FHIT: variants seen among roughly 807,000 people sequenced by gnomAD.
The protein encoded by FHIT is bis(5'-adenosyl)-triphosphatase.
Under a neutral mutation model 17.9 loss-of-function variants are expected in FHIT, and 19 were observed. The ratio of observed to expected loss-of-function variants is 1.06; its 90% CI spans 0.74 to 1.56. FHIT has a LOEUF of 1.56. Among genes scored for constraint, FHIT ranks in the 40% most tolerant of loss-of-function variants. FHIT has a pLI of 0.00. For synonymous variants in FHIT, 81 were observed against 69.7 expected (o/e 1.16, Z -0.81); for missense variants, 248 against 189.2 (o/e 1.31, Z -1.82).
At chr3:59,832,673 A>G (rs369019069) in intron 8 of FHIT, among the ~76,000 whole-genome samples, 5 of 152,352 alleles carry the variant, frequency 3.3e-5, no homozygotes, top group African/African-American at 1.2e-4. Context: ...CCACAGACTC[A>G]TAAATGAGAA....
chr3:61,018,739 A>G (rs1481441636), intron 3 of FHIT, among the ~76,000 whole-genome samples: 3 of 152,198 alleles, frequency 2.0e-5, no homozygotes, highest in African/African-American at 7.2e-5. Context: ...AAATCACAGC[A>G]TTTCTAATTT....
At chr3:60,379,475 A>G (rs968319938) in intron 5 of FHIT, among the ~76,000 whole-genome samples, 3 of 152,202 alleles carry the variant, frequency 2.0e-5, no homozygotes, top group African/African-American at 7.2e-5. Context: ...CCTGGGAACT[A>G]TATTTTAGTA....
intron 2 of FHIT, among the ~76,000 whole-genome samples, chr3:61,111,189 T>A (rs1345362211): frequency 6.6e-6 from 1 of 152,210 alleles, no homozygotes; most frequent in Non-Finnish European, 1.5e-5. Flanking sequence ...TTACCCACTT[T>A]AAGCCTCGGT....
At chr3:60,912,054 T>TACAC (rs34525181) in intron 3 of FHIT, among the ~76,000 whole-genome samples, 245 of 150,396 alleles carry the variant, frequency 1.6e-3, no homozygotes, top group African/African-American at 2.9e-3. Flanking sequence ...CACACACACA[T>TACAC]ACACACACAC....
chr3:60,851,243 C>G (rs1703141875), intron 3 of FHIT, among the ~76,000 whole-genome samples: 1 of 152,072 alleles, frequency 6.6e-6, no homozygotes, highest in African/African-American at 2.4e-5. Context: ...TTAATTCCCC[C>G]ACAGAATAAA....
At chr3:60,974,323 G>T (rs1009557151) in intron 3 of FHIT, among the ~76,000 whole-genome samples, 2 of 152,132 alleles carry the variant, frequency 1.3e-5, no homozygotes, top group African/African-American at 4.8e-5. Context: ...ACTCAGGTCT[G>T]GTCAGTCCCT....
At chr3:60,440,672 G>A (rs557945112) in intron 5 of FHIT, among the ~76,000 whole-genome samples, 1 of 151,902 alleles carries the variant, frequency 6.6e-6, no homozygotes, top group South Asian at 2.1e-4. Context: ...ACTCCCCAAA[G>A]GTAACCAAAC....
chr3:60,302,647 C>T (rs1708498924), intron 5 of FHIT, among the ~76,000 whole-genome samples: 2 of 152,138 alleles, frequency 1.3e-5, no homozygotes, highest in African/African-American at 4.8e-5. Context: ...CTTCCCATTT[C>T]AAAGGTTGTC....
chr3:60,984,866 A>G (rs1421032666), intron 3 of FHIT, among the ~76,000 whole-genome samples: 1 of 152,120 alleles, frequency 6.6e-6, no homozygotes, highest in East Asian at 1.9e-4. Context: ...TGAAAGCCTA[A>G]GTTTTCCAAA....
chr3:61,099,995 G>T (rs1385578148), intron 2 of FHIT, among the ~76,000 whole-genome samples: 2 of 152,062 alleles, frequency 1.3e-5, no homozygotes, highest in African/African-American at 4.8e-5. Context: ...GGTTTAGTGG[G>T]TGTGAAGTGG....
intron 4 of FHIT, among the ~76,000 whole-genome samples, chr3:60,589,058 C>T (rs1553663197): frequency 6.6e-6 from 1 of 151,992 alleles, no homozygotes; most frequent in Non-Finnish European, 1.5e-5. Context: ...GCAGGTGACT[C>T]ACCCGTTGGA....
intron 8 of FHIT, among the ~76,000 whole-genome samples, chr3:59,838,838 G>C (rs564881409): frequency 3.7e-4 from 56 of 152,224 alleles, no homozygotes; most frequent in African/African-American, 1.3e-3. Flanking sequence ...ATTTGGCAAA[G>C]GTGCCTTTGA....
At chr3:60,348,005 C>G (rs981785011) in intron 5 of FHIT, among the ~76,000 whole-genome samples, 1 of 152,096 alleles carries the variant, frequency 6.6e-6, no homozygotes, top group African/African-American at 2.4e-5. Flanking sequence ...TTGATCCACC[C>G]TCCTTAGCCT....
intron 4 of FHIT, among the ~76,000 whole-genome samples, chr3:60,687,891 AG>A (rs1371566008): frequency 3.9e-5 from 6 of 152,292 alleles, no homozygotes; most frequent in Admixed American, 3.9e-4. Flanking sequence ...TCTATCTTAA[AG>A]AAAATATAAC....
intron 4 of FHIT, among the ~76,000 whole-genome samples, chr3:60,772,927 C>G (rs544474886): frequency 5.9e-4 from 90 of 152,278 alleles, no homozygotes; most frequent in Non-Finnish European, 1.1e-3. Flanking sequence ...TCCAACCCAG[C>G]CAATCGGCAG....
chr3:59,967,705 T>G (rs1000528130), intron 7 of FHIT, among the ~76,000 whole-genome samples: 3 of 152,180 alleles, frequency 2.0e-5, no homozygotes, highest in African/African-American at 7.2e-5. Flanking sequence ...TTTCTATGTT[T>G]GTTGGATAAG....
chr3:61,158,212 A>C (rs1002560291), intron 2 of FHIT, among the ~76,000 whole-genome samples: 1 of 152,232 alleles, frequency 6.6e-6, no homozygotes, highest in African/African-American at 2.4e-5. Flanking sequence ...TACAGAAGCT[A>C]CAATAAACAA....
intron 1 of FHIT, among the ~76,000 whole-genome samples, chr3:61,216,840 T>C (rs982107940): frequency 1.3e-5 from 2 of 152,160 alleles, no homozygotes; most frequent in African/African-American, 4.8e-5. Context: ...TCATGTCCTT[T>C]GTAGGGACAT....
chr3:60,240,688 T>C (rs952145642), intron 5 of FHIT, among the ~76,000 whole-genome samples: 2 of 152,176 alleles, frequency 1.3e-5, no homozygotes, highest in Admixed American at 1.3e-4. Flanking sequence ...AAGCCTGTTC[T>C]GCAATAATTG....
Sources: allele counts gnomAD v4.1 joint callset (sites outside exome capture counted in the v4.1 genomes callset), GRCh38; gene constraint gnomAD v4.1.1; transcripts MANE v1.5; gene names NCBI Gene and HGNC (gene_info 2026-07-23, HGNC 2026-07-21).